LRP1-AS: variants seen among roughly 807,000 people sequenced by gnomAD.
LRP1-AS encodes LRP1 antisense RNA.
At chr12:57,145,658 C>A (rs965305987) in intron 1 of LRP1-AS, among the ~76,000 whole-genome samples, 1 of 152,128 alleles carries the variant, frequency 6.6e-6, no homozygotes, top group African/African-American at 2.4e-5. Context: ...GCAGAGCCAC[C>A]GGCACGCTCC....
chr12:57,147,431 G>GCACT (rs2035434459), intron 1 of LRP1-AS: 1 of 152,216 alleles, frequency 6.6e-6, no homozygotes, highest in African/African-American at 2.4e-5. Flanking sequence ...CTGGTCCCAG[G>GCACT]CACTCACCTG....
intron 1 of LRP1-AS, among the ~76,000 whole-genome samples, chr12:57,147,124 T>C (rs1191294152): frequency 5.3e-5 from 8 of 151,832 alleles, no homozygotes; most frequent in Non-Finnish European, 1.2e-4. Flanking sequence ...ACTGGGCCTC[T>C]CAGGGGCAGA....
rs759749656 is a variant in LRP1-AS at position 57,145,375 on chromosome 12, A to G, written n.182-292T>C. 11 of 1,614,050 alleles carry G rather than the reference A, an allele frequency of 6.8e-6. No individual in the cohort carries two copies. In the Admixed American group the frequency reaches 8.3e-5, roughly 12 times the overall value. ...ACTTCAGCTATGCCAACGAGACCGT[A>G]TGCTGGGTGCATGTTGGGGACAGTG... On this transcript the variant is annotated intron_variant and non_coding_transcript_variant, in intron 1 of 1. Transcript: ENST00000555461.
Position 57,145,410 on chromosome 12 carries a change from C to T in LRP1-AS, n.182-327G>A, listed in dbSNP as rs756497827. On this transcript the variant is annotated intron_variant and non_coding_transcript_variant, in intron 1 of 1. Coordinates refer to ENST00000555461, the Ensembl canonical transcript of LRP1-AS. ...CATGTTGGGGACAGTGCTGCTCAGACGCAGCTCAAGTGTGCCCGCATGCCT... is the reference window on the plus strand; with the variant it reads ...CATGTTGGGGACAGTGCTGCTCAGATGCAGCTCAAGTGTGCCCGCATGCCT... 8 of 1,614,020 alleles carry T rather than the reference C, an allele frequency of 5.0e-6. No individual in the cohort carries two copies. The African/African-American group carries it at 5.3e-5, about 11-fold the overall frequency.
intron 1 of LRP1-AS, among the ~76,000 whole-genome samples, chr12:57,145,690 G>A (rs2035391786): frequency 6.6e-6 from 1 of 152,210 alleles, no homozygotes; most frequent in Non-Finnish European, 1.5e-5. Context: ...CTGAGCAAGT[G>A]TCTGGATGGC....
intron 1 of LRP1-AS, chr12:57,145,212 C>A (rs755343155): frequency 6.2e-7 from 1 of 1,614,080 alleles, no homozygotes; most frequent in Non-Finnish European, 8.5e-7. Flanking sequence ...GGACTCTTCT[C>A]TTCCCCATTC....
Position 57,146,922 on chromosome 12 carries a change from T to C in LRP1-AS, n.181+517A>G, listed in dbSNP as rs34833559. Among the ~76,000 whole-genome samples, 155 of 151,882 alleles carry C rather than the reference T, an allele frequency of 1.0e-3. 1 individual carries two copies. Among genetic ancestry groups the C allele is most frequent in the African/African-American group, 3.5e-3 (147 of 41,414 alleles). On this transcript the variant is annotated intron_variant and non_coding_transcript_variant, in intron 1 of 1. Coordinates refer to ENST00000555461, the Ensembl canonical transcript of LRP1-AS. ...CAACAGGCCTGTCTGGGCAGACAGC[T>C]TGTCAGTTTCCTCCCCAGCCCTGCA...
At chr12:57,146,170 C>T (rs1276299753) in intron 1 of LRP1-AS, among the ~76,000 whole-genome samples, 1 of 152,040 alleles carries the variant, frequency 6.6e-6, no homozygotes, top group Non-Finnish European at 1.5e-5. Flanking sequence ...GGTGTAGACC[C>T]ACTGCCGGGA....
exon 2 of LRP1-AS, chr12:57,144,895 G>C (rs866908508): frequency 1.4e-6 from 2 of 1,412,476 alleles, no homozygotes; most frequent in Middle Eastern, 3.8e-4. Flanking sequence ...TGGACATGTT[G>C]ATCATGTCTG....
chr12:57,145,212 C>T (rs755343155), intron 1 of LRP1-AS: 137 of 1,613,962 alleles, frequency 8.5e-5, no homozygotes, highest in Non-Finnish European at 1.7e-5. Flanking sequence ...GGACTCTTCT[C>T]TTCCCCATTC....
At chr12:57,145,579 C>A in intron 1 of LRP1-AS, 1 of 1,506,776 alleles carries the variant, frequency 6.6e-7, no homozygotes, top group Non-Finnish European at 9.0e-7. Flanking sequence ...CCGGGAGTTA[C>A]ACAGGATGGT....
At chr12:57,145,980 C>T (rs1056951954) in intron 1 of LRP1-AS, among the ~76,000 whole-genome samples, 3 of 152,070 alleles carry the variant, frequency 2.0e-5, no homozygotes, top group Non-Finnish European at 4.4e-5. Flanking sequence ...CGGGGGAGGG[C>T]AGTACTGAGG....
chr12:57,144,766 T>G, exon 2 of LRP1-AS: 1 of 587,612 alleles, frequency 1.7e-6, no homozygotes. Flanking sequence ...GGATGAGTGA[T>G]ATGTACACGA....
chr12:57,146,349 C>G (rs2035406028), intron 1 of LRP1-AS: 1 of 152,164 alleles, frequency 6.6e-6, no homozygotes, highest in African/African-American at 2.4e-5. Context: ...TTTAGTAAAC[C>G]AGAATTCCCA....
exon 2 of LRP1-AS, chr12:57,144,763 T>G: frequency 1.7e-6 from 1 of 587,050 alleles, no homozygotes; most frequent in Non-Finnish European, 3.0e-6. Flanking sequence ...CGTGGATGAG[T>G]GATATGTACA....
chr12:57,145,331 C>T (rs576800042), intron 1 of LRP1-AS: 20 of 1,614,010 alleles, frequency 1.2e-5, no homozygotes, highest in South Asian at 9.9e-5. Flanking sequence ...TACGAGCACG[C>T]GGCAGACCAC....
chr12:57,144,702 G>C, exon 2 of LRP1-AS: 1 of 487,420 alleles, frequency 2.1e-6, no homozygotes, highest in East Asian at 3.4e-5. Flanking sequence ...AAAGTTCACT[G>C]ATGCACCCCT....
At chr12:57,147,524 C>T (rs935974984) in exon 1 of LRP1-AS, 1 of 152,352 alleles carries the variant, frequency 6.6e-6, no homozygotes, top group African/African-American at 2.4e-5. Context: ...TCACTCTGCC[C>T]TCCAGGGCAG....
At chr12:57,145,125 A>G in intron 1 of LRP1-AS, 4 of 1,613,864 alleles carry the variant, frequency 2.5e-6, no homozygotes, top group Non-Finnish European at 3.4e-6. Context: ...CTCTGGCCAC[A>G]GTGCTAACTA....
Sources: gnomAD v4.1 joint callset for allele counts (sites outside exome capture counted in the v4.1 genomes callset) on GRCh38, gnomAD v4.1.1 for gene constraint, MANE v1.5 for transcripts, NCBI Gene and HGNC (gene_info 2026-07-23, HGNC 2026-07-21) for gene names.